The following SYNPO2 variants were observed in gnomAD, a reference collection of about 807,000 sequenced individuals.
The protein encoded by SYNPO2 is synaptopodin-2.
Under a neutral mutation model 85.0 loss-of-function variants are expected in SYNPO2, and 56 were observed. That is an observed-to-expected ratio of 0.66 (90% CI 0.53 to 0.82). SYNPO2 has a LOEUF of 0.82. Ranked by LOEUF, SYNPO2 falls within the 40% of genes least tolerant of loss-of-function variation. The pLI, the probability that SYNPO2 is intolerant of heterozygous loss-of-function variation, is 0.00. For synonymous variants in SYNPO2, 602 were observed against 591.1 expected (o/e 1.02, Z -0.27); for missense variants, 1,575 against 1,534.2 (o/e 1.03, Z -0.44).
rs1739396116 is a variant in SYNPO2, at chr4:119,061,006, T to C, written c.*3072T>C. The C allele has an allele frequency of 6.6e-6, 1 of 152,148 alleles. No homozygotes were observed. Among genetic ancestry groups the C allele is most frequent in the Non-Finnish European group, 1.5e-5 (1 of 68,008 alleles). 9.4% of individuals were successfully genotyped at this position (152,148 alleles called of 1,614,324 possible). ...AAAAGTTATATCAAACAGGCACAGT[T>C]ATTACAACTAGAGAGAAATTCCAGA... On this transcript the variant is annotated 3_prime_UTR_variant, in exon 5 of 5. Coordinates refer to ENST00000307142, the MANE Select transcript of SYNPO2 (RefSeq NM_133477.3).
At chr4:118,852,081 C>T (rs1443354144) in intron 1 of SYNPO2, among the ~76,000 whole-genome samples, 1 of 152,148 alleles carries the variant, frequency 6.6e-6, no homozygotes, top group Non-Finnish European at 1.5e-5. Context: ...CAACATCACA[C>T]ATTTGTCACT....
intron 1 of SYNPO2, among the ~76,000 whole-genome samples, chr4:118,861,522 A>G (rs988084276): frequency 1.1e-4 from 16 of 152,102 alleles, no homozygotes; most frequent in Non-Finnish European, 2.1e-4. Context: ...TTTTGGTGTA[A>G]GGTGAGAGAT....
chr4:119,032,923 G>T (rs1040396382), intron 4 of SYNPO2: 8 of 947,502 alleles, frequency 8.4e-6, no homozygotes, highest in Non-Finnish European at 1.0e-5. Flanking sequence ...ATCTTTAAAG[G>T]TTGATTCCCA....
rs1034872574 is a variant in SYNPO2 at position 119,059,534 on chromosome 4, T to A, written c.*1600T>A. 7 of 152,218 alleles carry A rather than the reference T, an allele frequency of 4.6e-5. No individual in the cohort carries two copies. Among genetic ancestry groups the A allele is most frequent in the African/African-American group, 7.2e-5 (3 of 41,452 alleles). The allele number at this position is 152,218 out of a possible 1,614,324, so 9.4% of individuals were successfully genotyped here. A position where few individuals can be genotyped will look rare whatever the true frequency, so the allele number is the denominator to read the frequency against. ...AAAAAAATTCAAAGTATTTGACATC[T>A]TAAGCAAATATCCAGAATATTTTTA... On this transcript the variant is annotated 3_prime_UTR_variant, in exon 5 of 5. Coordinates refer to ENST00000307142, the MANE Select transcript of SYNPO2 (RefSeq NM_133477.3).
rs992954211 is a variant in SYNPO2, at chr4:119,058,793, A to G, written c.*859A>G. On this transcript the variant is annotated 3_prime_UTR_variant, in exon 5 of 5. Transcript: ENST00000307142. ...TGGCCTTTCTGCAACATTTTTTTAAAAAAATCTAATAAATCTTAGATTTTT... is the reference window on the plus strand; with the variant it reads ...TGGCCTTTCTGCAACATTTTTTTAAGAAAATCTAATAAATCTTAGATTTTT... 27 of 152,170 alleles carry G rather than the reference A, an allele frequency of 1.8e-4. No homozygotes were observed. The highest frequency in any genetic ancestry group is 8.8e-5 in the Non-Finnish European group (6 of 68,036). The allele number at this position is 152,170 out of a possible 1,614,324, so 9.4% of individuals were successfully genotyped here.
chr4:118,871,812 G>A (rs1440558444), intron 1 of SYNPO2, among the ~76,000 whole-genome samples: 7 of 152,062 alleles, frequency 4.6e-5, no homozygotes, highest in East Asian at 1.9e-4. Context: ...CTCGTAATCC[G>A]CCCGCCTTGG....
intron 1 of SYNPO2, among the ~76,000 whole-genome samples, chr4:119,022,010 G>T (rs1031302467): frequency 3.9e-5 from 6 of 152,264 alleles, no homozygotes; most frequent in African/African-American, 1.2e-4. Context: ...TTTACTTTCT[G>T]CAAAGTAATC....
At chr4:119,041,014 C>T (rs368845898) in intron 4 of SYNPO2, among the ~76,000 whole-genome samples, 2 of 152,208 alleles carry the variant, frequency 1.3e-5, no homozygotes, top group Non-Finnish European at 2.9e-5. Flanking sequence ...TGATGAAAAA[C>T]AATTCTAAGA....
chr4:118,864,567 G>A (rs1455462668), intron 1 of SYNPO2, among the ~76,000 whole-genome samples: 1 of 152,156 alleles, frequency 6.6e-6, no homozygotes, highest in African/African-American at 2.4e-5. Flanking sequence ...GTTGTATTTC[G>A]ATCTGTCTGT....
At chr4:119,036,374 G>A (rs1051131806) in intron 4 of SYNPO2, 12 of 985,346 alleles carry the variant, frequency 1.2e-5, no homozygotes, top group African/African-American at 1.0e-4. Flanking sequence ...CATGACCCTC[G>A]CTGGTCTTGG....
At chr4:118,991,915 G>A (rs903764481) in intron 1 of SYNPO2, among the ~76,000 whole-genome samples, 6 of 152,162 alleles carry the variant, frequency 3.9e-5, no homozygotes, top group African/African-American at 1.2e-4. Flanking sequence ...AGAATAAAAC[G>A]GGGAGAGGAT....
At chr4:118,898,144 C>A (rs35470590) in intron 1 of SYNPO2, among the ~76,000 whole-genome samples, 21,905 of 151,990 alleles carry the variant, frequency 0.14, 1,704 homozygotes, top group East Asian at 0.22. Flanking sequence ...AACCTTCAAG[C>A]AGCTGACCAT....
At chr4:118,885,791 G>A (rs575241467), upstream of SYNPO2, among the ~76,000 whole-genome samples, 19 of 152,074 alleles carry the variant, frequency 1.2e-4, no homozygotes, top group Non-Finnish European at 2.5e-4. Context: ...CAGATCCATA[G>A]GTCTTAATGG....
chr4:119,034,314 C>T (rs1038803042), intron 4 of SYNPO2: 7 of 982,798 alleles, frequency 7.1e-6, no homozygotes, highest in African/African-American at 7.0e-5. Context: ...TTGAGATCAT[C>T]GGCTTAAAAG....
At chr4:118,964,050 G>A (rs1176738294) in intron 1 of SYNPO2, among the ~76,000 whole-genome samples, 3 of 152,150 alleles carry the variant, frequency 2.0e-5, no homozygotes, top group Non-Finnish European at 4.4e-5. Flanking sequence ...GGGACCACCC[G>A]TCAAGATTAT....
upstream of SYNPO2, among the ~76,000 whole-genome samples, chr4:118,885,927 G>A (rs1030347907): frequency 5.3e-5 from 8 of 152,144 alleles, no homozygotes; most frequent in Admixed American, 1.3e-4. Context: ...TGGCTCTATC[G>A]CTTAGGATTT....
intron 1 of SYNPO2, among the ~76,000 whole-genome samples, chr4:118,963,377 A>T (rs999935748): frequency 2.6e-5 from 4 of 152,268 alleles, no homozygotes; most frequent in Admixed American, 2.6e-4. Flanking sequence ...TGACTTACTG[A>T]TCTGTATTAT....
At chr4:118,904,892 C>T (rs188228468) in intron 1 of SYNPO2, among the ~76,000 whole-genome samples, 98 of 152,238 alleles carry the variant, frequency 6.4e-4, no homozygotes, top group Non-Finnish European at 1.2e-3. Context: ...CTCAGCATAA[C>T]TGCTATTAGA....
At chr4:118,878,726 C>A (rs1731976927) in intron 1 of SYNPO2, among the ~76,000 whole-genome samples, 1 of 152,030 alleles carries the variant, frequency 6.6e-6, no homozygotes, top group South Asian at 2.1e-4. Flanking sequence ...CCAATCAGCA[C>A]TCTGTAAAAA....
Sources: gnomAD v4.1 joint callset for allele counts (sites outside exome capture counted in the v4.1 genomes callset) on GRCh38, gnomAD v4.1.1 for gene constraint, MANE v1.5 for transcripts, NCBI Gene and HGNC (gene_info 2026-07-23, HGNC 2026-07-21) for gene names.